Variants in DOK6 observed in about 807,000 individuals in gnomAD.
DOK6 encodes the protein docking protein 6, also known as downstream of tyrosine kinase 6.
DOK6 carries 22 observed loss-of-function variants against 44.0 expected under a neutral mutation model. That is an observed-to-expected ratio of 0.50 (90% CI 0.36 to 0.71). The LOEUF is 0.71. DOK6 is among the 30% of genes least tolerant of loss of function. The pLI, the probability that DOK6 is intolerant of heterozygous loss-of-function variation, is 0.00. For synonymous variants in DOK6, 166 were observed against 145.5 expected (o/e 1.14, Z -1.01); for missense variants, 340 against 416.4 (o/e 0.82, Z 1.60).
intron 1 of DOK6, among the ~76,000 whole-genome samples, chr18:69,552,138 C>A (rs975800704): frequency 8.5e-5 from 13 of 152,134 alleles, no homozygotes; most frequent in African/African-American, 3.1e-4. Flanking sequence ...GGAAAGGACA[C>A]TGTTTCTACA....
intron 7 of DOK6, among the ~76,000 whole-genome samples, chr18:69,778,525 A>G (rs997251850): frequency 7.2e-5 from 11 of 152,214 alleles, no homozygotes; most frequent in African/African-American, 2.7e-4. Context: ...GTTTGAGAAA[A>G]ACAGACATGA....
intron 1 of DOK6, among the ~76,000 whole-genome samples, chr18:69,527,935 G>A (rs1035472756): frequency 2.0e-4 from 30 of 152,052 alleles, no homozygotes; most frequent in African/African-American, 4.3e-4. Flanking sequence ...AGGCCAAGGC[G>A]GGCGGATCAC....
intron 1 of DOK6, among the ~76,000 whole-genome samples, chr18:69,417,296 A>G (rs1978366137): frequency 6.6e-6 from 1 of 152,108 alleles, no homozygotes; most frequent in Non-Finnish European, 1.5e-5. Flanking sequence ...TTTAGCTCCC[A>G]CATATTGTGA....
intron 7 of DOK6, among the ~76,000 whole-genome samples, chr18:69,786,279 T>G (rs954336631): frequency 1.3e-5 from 2 of 152,294 alleles, no homozygotes; most frequent in East Asian, 3.9e-4. Flanking sequence ...ATCCTATATT[T>G]GATTTTTGAA....
At chr18:69,469,533 G>C (rs1980029172) in intron 1 of DOK6, 1 of 165,258 alleles carries the variant, frequency 6.1e-6, no homozygotes. Context: ...GCAGCAGATA[G>C]CTCAGGGGAG....
At chr18:69,751,337 T>C (rs1229101941) in intron 6 of DOK6, among the ~76,000 whole-genome samples, 5 of 151,794 alleles carry the variant, frequency 3.3e-5, no homozygotes, top group Non-Finnish European at 4.4e-5. Flanking sequence ...TAAATTATAA[T>C]ATGTGCCCCA....
At chr18:69,801,164 T>C (rs1980895431) in intron 7 of DOK6, among the ~76,000 whole-genome samples, 1 of 152,126 alleles carries the variant, frequency 6.6e-6, no homozygotes, top group African/African-American at 2.4e-5. Flanking sequence ...TAAGACTACT[T>C]TTTAATCAGC....
At chr18:69,463,429 C>T (rs1314357136) in intron 1 of DOK6, among the ~76,000 whole-genome samples, 4 of 152,174 alleles carry the variant, frequency 2.6e-5, no homozygotes, top group African/African-American at 9.7e-5. Context: ...TGAACAGCAA[C>T]ATCTGTTATA....
chr18:69,665,857 C>G (rs547207528), intron 3 of DOK6, among the ~76,000 whole-genome samples: 4 of 151,742 alleles, frequency 2.6e-5, no homozygotes, highest in African/African-American at 7.3e-5. Context: ...TGCTGTTTCT[C>G]TCTCAGACCT....
At chr18:69,419,768 T>C (rs1036864603) in intron 1 of DOK6, among the ~76,000 whole-genome samples, 4 of 152,172 alleles carry the variant, frequency 2.6e-5, no homozygotes, top group Non-Finnish European at 5.9e-5. Context: ...CAATGATATG[T>C]GAGACCCTTT....
intron 3 of DOK6, among the ~76,000 whole-genome samples, chr18:69,610,200 TGA>T (rs1407520197): frequency 7.2e-5 from 11 of 152,150 alleles, no homozygotes; most frequent in Non-Finnish European, 1.6e-4. Context: ...AGGGGAAAAA[TGA>T]GTTCTCACGT....
chr18:69,669,420 A>G (rs1321780636), intron 3 of DOK6, among the ~76,000 whole-genome samples: 5 of 150,478 alleles, frequency 3.3e-5, no homozygotes, highest in Admixed American at 6.7e-5. Context: ...ATGCTGCTAC[A>G]AAGGACATCA....
At chr18:69,505,957 T>C (rs956287521) in intron 1 of DOK6, among the ~76,000 whole-genome samples, 3 of 152,152 alleles carry the variant, frequency 2.0e-5, no homozygotes, top group African/African-American at 7.2e-5. Flanking sequence ...TGCTTTTTTT[T>C]TCTCACATTA....
intron 7 of DOK6, among the ~76,000 whole-genome samples, chr18:69,804,426 CA>C: frequency 6.6e-6 from 1 of 152,218 alleles, no homozygotes. Context: ...ACAGAGTTTT[CA>C]TAATCTGTAA....
intron 1 of DOK6, among the ~76,000 whole-genome samples, chr18:69,413,700 G>A (rs184161614): frequency 1.3e-5 from 2 of 151,950 alleles, no homozygotes; most frequent in East Asian, 3.9e-4. Context: ...AGAATTCTTA[G>A]ACTTGACAAC....
intron 1 of DOK6, among the ~76,000 whole-genome samples, chr18:69,460,050 C>T (rs1979744811): frequency 6.6e-6 from 1 of 152,080 alleles, no homozygotes; most frequent in South Asian, 2.1e-4. Context: ...CCAGTGAGAG[C>T]TTATTTAAGC....
chr18:69,809,682 T>C (rs1450019671), intron 7 of DOK6, among the ~76,000 whole-genome samples: 1 of 151,788 alleles, frequency 6.6e-6, no homozygotes, highest in Non-Finnish European at 1.5e-5. Flanking sequence ...CAGTAGTGTT[T>C]TTATACACTA....
chr18:69,420,309 A>G (rs1430355105), intron 1 of DOK6, among the ~76,000 whole-genome samples: 1 of 152,034 alleles, frequency 6.6e-6, no homozygotes, highest in Non-Finnish European at 1.5e-5. Context: ...AATTTAATGC[A>G]AAATTTCAAA....
chr18:69,778,309 G>A (rs941387082), intron 7 of DOK6, among the ~76,000 whole-genome samples: 1 of 152,134 alleles, frequency 6.6e-6, no homozygotes, highest in Non-Finnish European at 1.5e-5. Flanking sequence ...TGCCGAGATG[G>A]GTTGAGATGC....
Sources: allele counts gnomAD v4.1 joint callset (sites outside exome capture counted in the v4.1 genomes callset), GRCh38; gene constraint gnomAD v4.1.1; transcripts MANE v1.5; gene names NCBI Gene and HGNC (gene_info 2026-07-23, HGNC 2026-07-21).